Variants in TRIM36 observed in about 807,000 individuals in gnomAD.
TRIM36 encodes the protein E3 ubiquitin-protein ligase TRIM36.
Under a neutral mutation model 72.4 loss-of-function variants are expected in TRIM36, and 42 were observed. The ratio of observed to expected loss-of-function variants is 0.58; its 90% CI spans 0.45 to 0.75. TRIM36 has a LOEUF of 0.75. Among genes scored for constraint, TRIM36 ranks in the 30% least tolerant of loss-of-function variants. The pLI, the probability that TRIM36 is intolerant of heterozygous loss-of-function variation, is 0.00. For missense variants in TRIM36, 913 were observed against 857.1 expected (o/e 1.07, Z -0.81); for synonymous variants, 315 against 282.8 (o/e 1.11, Z -1.14).
In TRIM36 at chr5:115,125,675, T is replaced by C. The variant is rs1340685522; in HGVS notation, c.*828A>G. 1 of 152,064 alleles carries C rather than the reference T, an allele frequency of 6.6e-6. No homozygotes were observed. Among genetic ancestry groups the C allele is most frequent in the Non-Finnish European group, 1.5e-5 (1 of 67,956 alleles). The allele number at this position is 152,064 out of a possible 1,614,324, so 9.4% of individuals were successfully genotyped here. ...ATCAGTCCATCTTTACCAATATATC[T>C]GAAAAATAATTCTTTGACATAAGAA... On this transcript the variant is annotated 3_prime_UTR_variant, in exon 10 of 10. Coordinates refer to ENST00000513154, the MANE Select transcript of TRIM36 (RefSeq NM_001300759.2).
Position 115,175,482 on chromosome 5 carries a change from A to G in TRIM36, c.63+4493T>C, listed in dbSNP as rs187375470. 1.7e-3 allele frequency among the ~76,000 whole-genome samples: 258 copies of G among 152,326 alleles called. No individual in the cohort carries two copies. The Middle Eastern group carries it at 0.017, about 10-fold the overall frequency. On this transcript the variant is annotated intron_variant, in intron 1 of 9. Transcript: ENST00000282369. ...ATAGATTAAGTAATATGCTTAATCTATGGGCTATATACTACATGGCCATAT... is the reference window on the plus strand; with the variant it reads ...ATAGATTAAGTAATATGCTTAATCTGTGGGCTATATACTACATGGCCATAT...
At chr5:115,172,029 T>C (rs924682361), upstream of TRIM36, among the ~76,000 whole-genome samples, 12 of 152,370 alleles carry the variant, frequency 7.9e-5, no homozygotes, top group African/African-American at 2.9e-4. Flanking sequence ...AGTATAAGTG[T>C]CTTCTTGTTT....
At chr5:115,179,021 G>A (rs975804804) in intron 1 of TRIM36, among the ~76,000 whole-genome samples, 1 of 152,120 alleles carries the variant, frequency 6.6e-6, no homozygotes, top group Non-Finnish European at 1.5e-5. Flanking sequence ...TCTGTTAACC[G>A]CGCACAGGGA....
intron 1 of TRIM36, chr5:115,177,678 T>A: frequency 6.2e-7 from 1 of 1,608,414 alleles, no homozygotes. Flanking sequence ...AAGCTTACGT[T>A]GAAATGGTTA....
At chr5:115,156,115 A>G (rs1175376415) in intron 2 of TRIM36, among the ~76,000 whole-genome samples, 2 of 152,190 alleles carry the variant, frequency 1.3e-5, no homozygotes, top group African/African-American at 2.4e-5. Context: ...AAGGAAGTGA[A>G]GGACTTCTAC....
chr5:115,158,128 T>A (rs1013771291), intron 2 of TRIM36, among the ~76,000 whole-genome samples: 3 of 106,556 alleles, frequency 2.8e-5, no homozygotes, highest in East Asian at 3.8e-4. Flanking sequence ...AAAAAAATTT[T>A]AAAAATGAAA....
chr5:115,143,734 T>G (rs1035008750), intron 4 of TRIM36, among the ~76,000 whole-genome samples: 2 of 152,220 alleles, frequency 1.3e-5, no homozygotes, highest in East Asian at 3.8e-4. Flanking sequence ...ATAGATGATT[T>G]CTTTTAAAAA....
chr5:115,172,530 A>C (rs186210193), upstream of TRIM36, among the ~76,000 whole-genome samples: 539 of 152,142 alleles, frequency 3.5e-3, 2 homozygotes, highest in African/African-American at 0.012. Context: ...GAGGTCGGGA[A>C]TTCGAGACCA....
chr5:115,173,934 T>C (rs1007909323), upstream of TRIM36, among the ~76,000 whole-genome samples: 1 of 152,210 alleles, frequency 6.6e-6, no homozygotes, highest in Non-Finnish European at 1.5e-5. Context: ...TTAATTGCTC[T>C]TCTATCACAG....
chr5:115,135,471 T>C (rs536153231), intron 7 of TRIM36, among the ~76,000 whole-genome samples: 170 of 140,508 alleles, frequency 1.2e-3, no homozygotes, highest in African/African-American at 4.4e-3. Context: ...TTTTGAAACA[T>C]AGCTTACTAA....
At chr5:115,171,227 A>G, upstream of TRIM36, 2 of 1,614,186 alleles carry the variant, frequency 1.2e-6, no homozygotes, top group East Asian at 4.5e-5. Context: ...CGGCATCTAA[A>G]TAAGGAGTGT....
At chr5:115,151,130 G>A (rs1561435552) in intron 2 of TRIM36, among the ~76,000 whole-genome samples, 1 of 152,176 alleles carries the variant, frequency 6.6e-6, no homozygotes, top group Non-Finnish European at 1.5e-5. Context: ...GGGTAGACTG[G>A]GGCAAGTTCT....
At position 115,133,754 on chromosome 5, in the gene TRIM36, A is replaced by C. The variant is rs867945782; in HGVS notation, c.1498+106T>G. 68 of 1,141,544 alleles carry C rather than the reference A, an allele frequency of 6.0e-5. No homozygotes were observed. In the South Asian group the frequency reaches 9.7e-4, roughly 16 times the overall value. The allele number at this position is 1,141,544 out of a possible 1,614,324, so 70.7% of individuals were successfully genotyped here. On this transcript the variant is annotated intron_variant, in intron 8 of 9. Coordinates refer to ENST00000513154, the MANE Select transcript of TRIM36 (RefSeq NM_001300759.2). ...ACTTTTCTGGAGTCTTTTAAAAACA[A>C]GAGCTGGTTTCAGTGCAGGTCTACA... is the stretch of plus-strand genomic sequence containing the variant.
chr5:115,143,010 G>C (rs1476813768), intron 4 of TRIM36, among the ~76,000 whole-genome samples: 2 of 152,014 alleles, frequency 1.3e-5, no homozygotes, highest in African/African-American at 4.8e-5. Context: ...TGTACCATAG[G>C]TTGTAAGGTA....
chr5:115,144,248 C>T (rs1753452682), intron 4 of TRIM36, among the ~76,000 whole-genome samples: 1 of 152,118 alleles, frequency 6.6e-6, no homozygotes, highest in Non-Finnish European at 1.5e-5. Context: ...AATCAAGTGT[C>T]TTAAAACAGC....
chr5:115,145,180 A>G (rs1321579003), intron 3 of TRIM36, among the ~76,000 whole-genome samples: 1 of 152,218 alleles, frequency 6.6e-6, no homozygotes, highest in African/African-American at 2.4e-5. Flanking sequence ...TATGAGACTC[A>G]TGGCCTCAGT....
In TRIM36 at chr5:115,144,165, A is replaced by C. The variant is rs74294472; in HGVS notation, c.735+433T>G. 2.4e-4 allele frequency among the ~76,000 whole-genome samples: 37 copies of C among 152,178 alleles called. No homozygotes were observed. The East Asian group carries it at 5.6e-3, about 23-fold the overall frequency. On this transcript the variant is annotated intron_variant, in intron 4 of 9. Coordinates refer to ENST00000513154, the MANE Select transcript of TRIM36 (RefSeq NM_001300759.2). ...CTGGGATTACAGGTGTGAGCCACGG[A>C]AGTAATTCAGTTTTAAATGGTAAGT... is the stretch of plus-strand genomic sequence containing the variant.
At position 115,147,356 on chromosome 5, in the gene TRIM36, A is replaced by G; in HGVS notation, c.301T>C (p.Phe101Leu). ...RNSLTPRTTVFPCPGCEHDVD... is the reference protein window; with the variant it reads ...RNSLTPRTTVLPCPGCEHDVD... The stretch of plus-strand genomic sequence containing the variant: ...TCATGCTCACAGCCAGGGCAAGGGA[A>G]AACAGTTGTCCTCGGGGTCAATGAA... The change falls in exon 3 of 10, where the codon TTC (phenylalanine) becomes CTC (leucine). Residue 101 changes from phenylalanine to leucine, a missense_variant. Coordinates refer to ENST00000513154, the MANE Select transcript of TRIM36 (RefSeq NM_001300759.2). The G allele has an allele frequency of 6.2e-7, 1 of 1,613,572 alleles. No homozygotes were observed.
intron 2 of TRIM36, among the ~76,000 whole-genome samples, chr5:115,158,558 C>G (rs573694299): frequency 2.0e-5 from 3 of 152,318 alleles, no homozygotes; most frequent in African/African-American, 7.2e-5. Context: ...CATGAACTAC[C>G]TCTCCCAATG....
Sources: allele counts gnomAD v4.1 joint callset (sites outside exome capture counted in the v4.1 genomes callset), GRCh38; gene constraint gnomAD v4.1.1; transcripts MANE v1.5; gene names NCBI Gene and HGNC (gene_info 2026-07-23, HGNC 2026-07-21).